CCSER1: variants seen among roughly 807,000 people sequenced by gnomAD.
The protein encoded by CCSER1 is coiled-coil serine rich protein 1.
In CCSER1, 41 loss-of-function variants were observed where a neutral mutation model predicts 82.0. The observed-to-expected ratio is 0.50, with a 90% CI of 0.39 to 0.65. The LOEUF (loss-of-function observed/expected upper bound fraction) is 0.65. Among genes scored for constraint, CCSER1 ranks in the 30% least tolerant of loss-of-function variants. CCSER1 has a pLI of 0.00. For synonymous variants in CCSER1, 414 were observed against 383.9 expected, an observed-to-expected ratio of 1.08 and a Z score of -0.92; for missense variants, 1,119 against 1,064.2, an observed-to-expected ratio of 1.05 and a Z score of -0.72.
intron 1 of CCSER1, among the ~76,000 whole-genome samples, chr4:90,153,538 C>G (rs1414522378): frequency 6.6e-6 from 1 of 152,042 alleles, no homozygotes; most frequent in Non-Finnish European, 1.5e-5. Context: ...CACATCCTCT[C>G]CAGCACCTGT....
intron 1 of CCSER1, among the ~76,000 whole-genome samples, chr4:90,237,677 A>G (rs1158909150): frequency 6.6e-6 from 1 of 152,226 alleles, no homozygotes; most frequent in Admixed American, 6.5e-5. Flanking sequence ...CTACCTATAT[A>G]TGAAGCCAGT....
intron 10 of CCSER1, among the ~76,000 whole-genome samples, chr4:91,525,791 T>G (rs961040296): frequency 6.6e-6 from 1 of 152,100 alleles, no homozygotes; most frequent in African/African-American, 2.4e-5. Context: ...ACCTATGGAC[T>G]TTGATACTGT....
At chr4:90,748,966 AT>A (rs1382633089) in intron 7 of CCSER1, among the ~76,000 whole-genome samples, 2 of 149,128 alleles carry the variant, frequency 1.3e-5, no homozygotes, top group Non-Finnish European at 3.0e-5. Flanking sequence ...GGTTGCGAAA[AT>A]TTTCTCCCAT....
intron 10 of CCSER1, among the ~76,000 whole-genome samples, chr4:91,579,359 T>G (rs1282382035): frequency 6.6e-6 from 1 of 151,568 alleles, no homozygotes; most frequent in African/African-American, 2.4e-5. Flanking sequence ...ACCCAATTGG[T>G]CATTTTTCAA....
intron 8 of CCSER1, among the ~76,000 whole-genome samples, chr4:90,866,498 G>A (rs1765747807): frequency 6.6e-6 from 1 of 151,926 alleles, no homozygotes; most frequent in Admixed American, 6.6e-5. Flanking sequence ...ACTAATTATT[G>A]ATCTTCTTCT....
At chr4:90,364,158 C>T (rs1447740720) in intron 3 of CCSER1, among the ~76,000 whole-genome samples, 4 of 152,012 alleles carry the variant, frequency 2.6e-5, no homozygotes, top group African/African-American at 7.2e-5. Context: ...GTAACACCTA[C>T]ATTTTTACCC....
intron 5 of CCSER1, among the ~76,000 whole-genome samples, chr4:90,559,609 C>T (rs890672898): frequency 6.6e-6 from 1 of 151,794 alleles, no homozygotes; most frequent in Non-Finnish European, 1.5e-5. Context: ...TTGCTTGAGC[C>T]CAGGAGTTTG....
intron 5 of CCSER1, among the ~76,000 whole-genome samples, chr4:90,595,007 TAA>T (rs1783161191): frequency 6.6e-6 from 1 of 152,052 alleles, no homozygotes. Context: ...TTTTATACTT[TAA>T]GTGACTAATT....
At chr4:91,304,481 T>C (rs1335970166) in intron 10 of CCSER1, among the ~76,000 whole-genome samples, 2 of 152,092 alleles carry the variant, frequency 1.3e-5, no homozygotes, top group African/African-American at 4.8e-5. Context: ...GTTTATCCCT[T>C]GACTCATCAT....
chr4:90,936,815 TTTAA>T (rs1730995368), intron 9 of CCSER1, among the ~76,000 whole-genome samples: 4 of 152,194 alleles, frequency 2.6e-5, no homozygotes, highest in Admixed American at 2.6e-4. Context: ...CTTCTTAATG[TTTAA>T]TTCTTAGTCT....
At chr4:90,576,470 T>C (rs1780784030) in intron 5 of CCSER1, among the ~76,000 whole-genome samples, 2 of 152,200 alleles carry the variant, frequency 1.3e-5, no homozygotes, top group African/African-American at 2.4e-5. Context: ...ACCATTGTAC[T>C]AACACACAGA....
chr4:91,571,803 G>T (rs1436065400), intron 10 of CCSER1, among the ~76,000 whole-genome samples: 2 of 152,166 alleles, frequency 1.3e-5, no homozygotes, highest in Non-Finnish European at 2.9e-5. Flanking sequence ...TGGAGGGTCT[G>T]TGTTGTGGGC....
At chr4:91,529,521 A>G (rs1760921647) in intron 10 of CCSER1, among the ~76,000 whole-genome samples, 1 of 152,082 alleles carries the variant, frequency 6.6e-6, no homozygotes, top group Admixed American at 6.6e-5. Context: ...TACTGTCTTC[A>G]CCTTATTTGT....
At chr4:91,106,573 T>C (rs886289930) in intron 10 of CCSER1, among the ~76,000 whole-genome samples, 3 of 152,216 alleles carry the variant, frequency 2.0e-5, no homozygotes, top group Admixed American at 6.5e-5. Flanking sequence ...ATAGGTGTTA[T>C]CTCATCCAAG....
intron 5 of CCSER1, among the ~76,000 whole-genome samples, chr4:90,507,878 T>C (rs1465928442): frequency 6.6e-6 from 1 of 151,972 alleles, no homozygotes; most frequent in Non-Finnish European, 1.5e-5. Flanking sequence ...TAACAAACAT[T>C]TGACAACTCA....
At chr4:90,174,059 T>C (rs1167036279) in intron 1 of CCSER1, among the ~76,000 whole-genome samples, 2 of 151,944 alleles carry the variant, frequency 1.3e-5, no homozygotes, top group Admixed American at 6.6e-5. Flanking sequence ...TCAGTGAAAC[T>C]GATAGGTTTG....
At chr4:91,595,797 G>A (rs1318231096) in intron 10 of CCSER1, among the ~76,000 whole-genome samples, 1 of 151,780 alleles carries the variant, frequency 6.6e-6, no homozygotes, top group African/African-American at 2.4e-5. Flanking sequence ...GCAGCACCTT[G>A]TCCTCAGTGT....
intron 10 of CCSER1, among the ~76,000 whole-genome samples, chr4:91,597,062 C>A (rs914743284): frequency 1.9e-4 from 29 of 151,898 alleles, no homozygotes; most frequent in African/African-American, 7.0e-4. Flanking sequence ...CAATGTTTTT[C>A]TGCACGTAAT....
chr4:90,517,445 A>T (rs1772439318), intron 5 of CCSER1, among the ~76,000 whole-genome samples: 1 of 152,150 alleles, frequency 6.6e-6, no homozygotes, highest in African/African-American at 2.4e-5. Flanking sequence ...TCTGACTCAC[A>T]TAAGTAGATA....
Sources: allele counts gnomAD v4.1 joint callset (sites outside exome capture counted in the v4.1 genomes callset), GRCh38; gene constraint gnomAD v4.1.1; transcripts MANE v1.5; gene names NCBI Gene and HGNC (gene_info 2026-07-23, HGNC 2026-07-21).